The following GPR137C variants were observed in gnomAD, a reference collection of about 807,000 sequenced individuals.
GPR137C encodes the protein G protein-coupled receptor 137C.
In GPR137C, 27 loss-of-function variants were observed where a neutral mutation model predicts 43.4. The ratio of observed to expected loss-of-function variants is 0.62; its 90% CI spans 0.46 to 0.86. GPR137C has a LOEUF of 0.86. Among genes scored for constraint, GPR137C ranks in the 40% least tolerant of loss-of-function variants. The pLI is 0.00. For missense variants in GPR137C, 522 were observed against 534.6 expected (o/e 0.98, Z 0.23); for synonymous variants, 285 against 226.9 (o/e 1.26, Z -2.30).
intron 1 of GPR137C, among the ~76,000 whole-genome samples, chr14:52,587,226 C>CT (rs770506375): frequency 2.0e-5 from 3 of 152,124 alleles, no homozygotes; most frequent in Non-Finnish European, 4.4e-5. Context: ...AAGTTATGGT[C>CT]TTTCTTAAGA....
At position 52,606,676 on chromosome 14, in the gene GPR137C, A is replaced by G. The variant is rs10150111; in HGVS notation, c.717+6335A>G. Among the ~76,000 whole-genome samples the G allele has an allele frequency of 7.1e-3, 1,083 of 152,024 alleles. 14 individuals are homozygous for G. Among genetic ancestry groups the G allele is most frequent in the African/African-American group, 0.025 (1,029 of 41,496 alleles). ...TGTTTCTCTTTTCATCCTTAGTTTT[A>G]ATTATTTGAGTCTTCTCTTTTTGTT... On this transcript the variant is annotated intron_variant, in intron 3 of 6. Coordinates refer to ENST00000321662, the MANE Select transcript of GPR137C (RefSeq NM_001099652.2).
intron 1 of GPR137C, among the ~76,000 whole-genome samples, chr14:52,596,149 G>C (rs552541132): frequency 6.6e-6 from 1 of 152,308 alleles, no homozygotes; most frequent in South Asian, 2.1e-4. Context: ...CACCAGGGGA[G>C]GCTGCAGAAC....
intron 1 of GPR137C, among the ~76,000 whole-genome samples, chr14:52,553,916 G>A (rs1249913305): frequency 6.6e-6 from 1 of 152,164 alleles, no homozygotes; most frequent in Admixed American, 6.5e-5. Context: ...CAACAAAGTG[G>A]CATCGCAAGA....
At chr14:52,596,832 A>C in intron 1 of GPR137C, 1 of 437,660 alleles carries the variant, frequency 2.3e-6, no homozygotes. Flanking sequence ...GGCTGCACCC[A>C]CTGTCCAACC....
chr14:52,553,159 C>T lies in GPR137C; in HGVS notation c.12C>T (p.Ser4=), dbSNP rs2038108170. MRV[S]VPGPAAAAAP... ...CCCCCAGCCCCCTCATGAGGGTGTC[C>T]GTGCCGGGTCCGGCGGCCGCTGCCG... The change falls in exon 1 of 7, where the codon TCC becomes TCT. Residue 4 remains serine (S), a synonymous_variant. Transcript: ENST00000321662. 6.0e-6 allele frequency: 7 copies of T among 1,171,938 alleles called. No homozygotes were observed. Among genetic ancestry groups the T allele is most frequent in the Non-Finnish European group, 7.4e-6 (7 of 951,916 alleles). The allele number at this position is 1,171,938 out of a possible 1,614,324, so 72.6% of individuals were successfully genotyped here.
chr14:52,633,381 T>G, intron 4 of GPR137C, 149 bp from the exon 5 acceptor site: 14 of 591,704 alleles, frequency 2.4e-5, no homozygotes, highest in Non-Finnish European at 3.3e-5. Context: ...TGTCATTTCA[T>G]GAGAAACCAC....
At chr14:52,573,350 G>T (rs2038500934) in intron 1 of GPR137C, among the ~76,000 whole-genome samples, 1 of 152,156 alleles carries the variant, frequency 6.6e-6, no homozygotes, top group African/African-American at 2.4e-5. Flanking sequence ...AACCAAAACA[G>T]CATGGTACTT....
intron 3 of GPR137C, among the ~76,000 whole-genome samples, chr14:52,610,565 A>T (rs1172249933): frequency 6.6e-6 from 1 of 152,184 alleles, no homozygotes; most frequent in Non-Finnish European, 1.5e-5. Context: ...AAATTTTATT[A>T]TAGGTATGTA....
chr14:52,560,605 A>G (rs1468664308), intron 1 of GPR137C, among the ~76,000 whole-genome samples: 5 of 152,206 alleles, frequency 3.3e-5, no homozygotes, highest in Admixed American at 6.5e-5. Context: ...TTAGACCCAC[A>G]TATATATAGT....
In GPR137C at chr14:52,553,399, C is replaced by G. The variant is rs751182137; in HGVS notation, c.252C>G (p.Leu84=). 3 of 1,607,956 alleles carry G rather than the reference C, an allele frequency of 1.9e-6. No individual in the cohort carries two copies. The highest frequency in any genetic ancestry group is 2.2e-5 in the South Asian group (2 of 91,084). The change falls in exon 1 of 7, where the codon CTC becomes CTG. Residue 84 remains leucine (L), a synonymous_variant. Coordinates refer to ENST00000321662, the MANE Select transcript of GPR137C (RefSeq NM_001099652.2). ...AGCGGCGGCTGAGTTACCAGAGCCT[C>G]TGCCTCTTCCTCTGTCTCCTGTGGG... ...YRERRLSYQS[L]CLFLCLLWAA...
At chr14:52,570,582 G>A (rs1182949471) in intron 1 of GPR137C, among the ~76,000 whole-genome samples, 1 of 152,128 alleles carries the variant, frequency 6.6e-6, no homozygotes, top group Non-Finnish European at 1.5e-5. Context: ...ACCCATTGAT[G>A]TCCTATATTC....
Position 52,565,019 on chromosome 14 carries a change from G to A in GPR137C, c.444+11428G>A, listed in dbSNP as rs193059975. On this transcript the variant is annotated intron_variant, in intron 1 of 6. Coordinates refer to ENST00000321662, the MANE Select transcript of GPR137C (RefSeq NM_001099652.2). ...ATGCTACAACCTCGGAGAGAGAATA[G>A]GGGAGTGTTGGTGTTTGTGGTGAAT... Among the ~76,000 whole-genome samples the A allele has an allele frequency of 2.0e-4, 30 of 152,292 alleles. No homozygotes were observed. In the East Asian group the frequency reaches 5.8e-3, roughly 29 times the overall value.
In GPR137C at chr14:52,607,246, G is replaced by GA. The variant is rs1341225368; in HGVS notation, c.717+6910dup. On this transcript the variant is annotated intron_variant, in intron 3 of 6. Coordinates refer to ENST00000321662, the MANE Select transcript of GPR137C (RefSeq NM_001099652.2). The stretch of plus-strand genomic sequence containing the variant: ...TGGAGAATGTTTTAGGTACTGATGA[G>GA]AAAAATGTGCATTCTGCAGCAGTTG... 3.3e-5 allele frequency among the ~76,000 whole-genome samples: 5 copies of GA among 152,290 alleles called. No homozygotes were observed. The East Asian group carries it at 7.7e-4, about 24-fold the overall frequency.
At chr14:52,611,832 G>A (rs2039042172) in intron 3 of GPR137C, 2 of 590,378 alleles carry the variant, frequency 3.4e-6, no homozygotes, top group Middle Eastern at 8.9e-4. Flanking sequence ...GTCCATAGTG[G>A]TGTTGCAAGG....
At position 52,553,003 on chromosome 14, in the gene GPR137C, G is replaced by C; in HGVS notation, c.-145G>C. The C allele has an allele frequency of 3.3e-6, 1 of 304,636 alleles. No homozygotes were observed. Among genetic ancestry groups the C allele is most frequent in the Non-Finnish European group, 5.4e-6 (1 of 185,036 alleles). The allele number at this position is 304,636 out of a possible 1,614,324, so 18.9% of individuals were successfully genotyped here. On this transcript the variant is annotated 5_prime_UTR_variant, in exon 1 of 7. Coordinates refer to ENST00000321662, the MANE Select transcript of GPR137C (RefSeq NM_001099652.2). ...GGGGGAGCCGCGGCTGCTTTGCGCTGGACTCCGGGTCCCGTCACGGCGCTT... is the reference window on the plus strand; with the variant it reads ...GGGGGAGCCGCGGCTGCTTTGCGCTCGACTCCGGGTCCCGTCACGGCGCTT...
chr14:52,557,306 A>G (rs933577589), intron 1 of GPR137C, among the ~76,000 whole-genome samples: 2 of 152,204 alleles, frequency 1.3e-5, no homozygotes, highest in African/African-American at 4.8e-5. Context: ...TGAACATTTG[A>G]GGTAAATTAT....
chr14:52,558,148 GT>G (rs11365446), intron 1 of GPR137C, among the ~76,000 whole-genome samples: 7,045 of 151,676 alleles, frequency 0.046, 402 homozygotes, highest in East Asian at 0.16. Flanking sequence ...ACACAAATGT[GT>G]GTCTTGGGGG....
At chr14:52,597,319 A>C (rs1474105398) in intron 1 of GPR137C, among the ~76,000 whole-genome samples, 1 of 152,206 alleles carries the variant, frequency 6.6e-6, no homozygotes, top group Non-Finnish European at 1.5e-5. Context: ...GAGAGCAGAA[A>C]CCGTGGTCAT....
intron 3 of GPR137C, among the ~76,000 whole-genome samples, chr14:52,626,347 C>T (rs541604939): frequency 6.6e-6 from 1 of 152,024 alleles, no homozygotes; most frequent in African/African-American, 2.4e-5. Flanking sequence ...CCTAGGAATG[C>T]AGCGAGAATC....
Sources: allele counts gnomAD v4.1 joint callset (sites outside exome capture counted in the v4.1 genomes callset), GRCh38; gene constraint gnomAD v4.1.1; transcripts MANE v1.5; gene names NCBI Gene and HGNC (gene_info 2026-07-23, HGNC 2026-07-21).